The following TNNI3K variants were observed in gnomAD, a reference collection of about 807,000 sequenced individuals.
TNNI3K encodes the protein TNNI3 interacting kinase.
Under a neutral mutation model 114.5 loss-of-function variants are expected in TNNI3K, and 140 were observed. The ratio of observed to expected loss-of-function variants is 1.22; its 90% confidence interval spans 1.07 to 1.41. TNNI3K has a LOEUF of 1.41. Among genes scored for constraint, TNNI3K ranks in the 40% most tolerant of loss-of-function variants. The pLI is 0.00. For synonymous variants in TNNI3K, 347 were observed against 347.5 expected, an observed-to-expected ratio of 1.00 and a Z score of 0.02; for missense variants, 1,125 against 1,007.6, an observed-to-expected ratio of 1.12 and a Z score of -1.58.
chr1:74,480,717 G>A lies in TNNI3K; in HGVS notation c.2122-8472G>A, dbSNP rs576910366. 46 of 717,456 alleles carry A rather than the reference G, an allele frequency of 6.4e-5. No homozygotes were observed. The South Asian group carries it at 6.7e-4, about 10-fold the overall frequency. The allele number at this position is 717,456 out of a possible 1,614,324, so 44.4% of individuals were successfully genotyped here. A position where few individuals can be genotyped will look rare whatever the true frequency, so the allele number is the denominator to read the frequency against. On this transcript the variant is annotated intron_variant, in intron 21 of 24. Coordinates refer to ENST00000326637, the MANE Select transcript of TNNI3K (RefSeq NM_015978.3). ...AGGGTGCGGAGAGCATTATTGCTCA[G>A]CACCAGTACCTGCAGGCTGTGAAGC... is the stretch of plus-strand genomic sequence containing the variant.
intron 5 of TNNI3K, among the ~76,000 whole-genome samples, 159 bp from the exon 6 acceptor site, chr1:74,331,291 A>T (rs1660188481): frequency 6.6e-6 from 1 of 152,232 alleles, no homozygotes; most frequent in Non-Finnish European, 1.5e-5. Context: ...CTTTCATAAA[A>T]AAACAGGACA....
intron 21 of TNNI3K, among the ~76,000 whole-genome samples, chr1:74,465,708 C>T (rs1667649370): frequency 6.6e-6 from 1 of 152,228 alleles, no homozygotes; most frequent in African/African-American, 2.4e-5. Context: ...CTAGGCAAAG[C>T]CAGCTGGGCT....
chr1:74,485,473 C>G (rs1668708998), intron 21 of TNNI3K, among the ~76,000 whole-genome samples: 1 of 152,170 alleles, frequency 6.6e-6, no homozygotes, highest in African/African-American at 2.4e-5. Flanking sequence ...CTCTCATTCT[C>G]TACTGCGTAT....
chr1:74,246,579 GA>G (rs557985364), intron 2 of TNNI3K, among the ~76,000 whole-genome samples: 110 of 150,424 alleles, frequency 7.3e-4, no homozygotes, highest in Middle Eastern at 3.4e-3. Context: ...AAAACCACAA[GA>G]AAAAAAAACA....
In TNNI3K at chr1:74,480,051, T is replaced by C. The variant is rs1046853813; in HGVS notation, c.2122-9138T>C. The C allele has an allele frequency of 8.1e-6, 5 of 617,976 alleles. No individual in the cohort carries two copies. In the African/African-American group the frequency reaches 9.2e-5, roughly 11 times the overall value. The allele number at this position is 617,976 out of a possible 1,614,324, so 38.3% of individuals were successfully genotyped here. ...ATCTACTGGCAACCTCTCCTTTCCATAGCCCTGGCAACCAAGTGTCTGAGA... is the reference window on the plus strand; with the variant it reads ...ATCTACTGGCAACCTCTCCTTTCCACAGCCCTGGCAACCAAGTGTCTGAGA... On this transcript the variant is annotated intron_variant, in intron 21 of 24. Coordinates refer to ENST00000326637, the MANE Select transcript of TNNI3K (RefSeq NM_015978.3).
At chr1:74,421,205 A>G (rs1040561184) in intron 17 of TNNI3K, among the ~76,000 whole-genome samples, 1 of 152,168 alleles carries the variant, frequency 6.6e-6, no homozygotes, top group Non-Finnish European at 1.5e-5. Flanking sequence ...AGCATGAATA[A>G]CGTTTACTGA....
In TNNI3K at chr1:74,488,644, G is replaced by C. The variant is rs569547573; in HGVS notation, c.2122-545G>C. ...TTTTTAACCAAACTCGTCTGACACA[G>C]AGGTTCATAATGGGCAATATTTTTA... On this transcript the variant is annotated intron_variant, in intron 21 of 24. Transcript: ENST00000326637. Among the ~76,000 whole-genome samples, 27 of 152,240 alleles carry C rather than the reference G, an allele frequency of 1.8e-4. No individual in the cohort carries two copies. The South Asian group carries it at 5.4e-3, about 30-fold the overall frequency.
chr1:74,536,880 A>G (rs1646666512), intron 23 of TNNI3K, among the ~76,000 whole-genome samples: 1 of 152,166 alleles, frequency 6.6e-6, no homozygotes, highest in South Asian at 2.1e-4. Flanking sequence ...CCACAATTTC[A>G]GCAAATAGAG....
At chr1:74,518,678 T>A (rs1646383510) in intron 23 of TNNI3K, among the ~76,000 whole-genome samples, 3 of 152,086 alleles carry the variant, frequency 2.0e-5, no homozygotes, top group African/African-American at 7.2e-5. Flanking sequence ...TTCAAAACAA[T>A]ATCTGTTTTT....
chr1:74,500,178 T>G (rs1450825807), intron 23 of TNNI3K, among the ~76,000 whole-genome samples: 1 of 152,142 alleles, frequency 6.6e-6, no homozygotes, highest in East Asian at 1.9e-4. Flanking sequence ...TAATTTCCAG[T>G]ATTTTATCTT....
At chr1:74,306,921 A>G (rs538548967) in intron 5 of TNNI3K, among the ~76,000 whole-genome samples, 6 of 152,288 alleles carry the variant, frequency 3.9e-5, no homozygotes, top group African/African-American at 1.4e-4. Context: ...GGTCTTAATC[A>G]TAAATTATTT....
chr1:74,246,727 A>C (rs1654583561), intron 2 of TNNI3K, among the ~76,000 whole-genome samples: 3 of 152,236 alleles, frequency 2.0e-5, no homozygotes, highest in Admixed American at 2.0e-4. Flanking sequence ...ATACTGAAAG[A>C]AGAAAAAGCT....
chr1:74,451,147 C>T (rs1472330901), intron 20 of TNNI3K, among the ~76,000 whole-genome samples: 1 of 152,060 alleles, frequency 6.6e-6, no homozygotes, highest in Non-Finnish European at 1.5e-5. Flanking sequence ...AACACAGGAA[C>T]AGAAAACCAA....
intron 18 of TNNI3K, 141 bp downstream of exon 18, chr1:74,436,273 C>T (rs571125286): frequency 4.0e-6 from 5 of 1,259,288 alleles, no homozygotes; most frequent in Non-Finnish European, 5.5e-6. Context: ...TACCATAAAT[C>T]ATTCAAATTT....
At chr1:74,321,265 A>G (rs1659597067) in intron 5 of TNNI3K, among the ~76,000 whole-genome samples, 1 of 152,158 alleles carries the variant, frequency 6.6e-6, no homozygotes, top group South Asian at 2.1e-4. Flanking sequence ...TTAACTGAAC[A>G]ACACAGAAAA....
intron 2 of TNNI3K, among the ~76,000 whole-genome samples, chr1:74,248,304 C>A (rs553400496): frequency 1.3e-5 from 2 of 152,156 alleles, no homozygotes; most frequent in East Asian, 3.9e-4. Flanking sequence ...CACACCTCCC[C>A]ACAAGCAGAG....
intron 17 of TNNI3K, among the ~76,000 whole-genome samples, chr1:74,424,733 AAAG>A (rs1665552040): frequency 6.6e-6 from 1 of 151,520 alleles, no homozygotes; most frequent in African/African-American, 2.4e-5. Flanking sequence ...AAAAAAAAAA[AAAG>A]AGAGAGACAT....
Position 74,342,189 on chromosome 1 carries a change from G to A in TNNI3K, c.683-653G>A, listed in dbSNP as rs184132595. ...CGGAATTACCCAGACGTGAGAAGAG[G>A]TTATAAGGCTGGGTGTTTCAACGAG... On this transcript the variant is annotated intron_variant, in intron 7 of 24. Coordinates refer to ENST00000326637, the MANE Select transcript of TNNI3K (RefSeq NM_015978.3). Among the ~76,000 whole-genome samples the A allele has an allele frequency of 6.4e-4, 98 of 152,238 alleles. 3 individuals carry two copies. The East Asian group carries it at 0.017, about 27-fold the overall frequency.
chr1:74,410,168 C>T (rs1230368429), intron 17 of TNNI3K, among the ~76,000 whole-genome samples: 1 of 151,860 alleles, frequency 6.6e-6, no homozygotes, highest in African/African-American at 2.4e-5. Context: ...ACAAGAGGAC[C>T]CAGGCTGTTA....
Sources: allele counts gnomAD v4.1 joint callset (sites outside exome capture counted in the v4.1 genomes callset), GRCh38; gene constraint gnomAD v4.1.1; transcripts MANE v1.5; gene names NCBI Gene and HGNC (gene_info 2026-07-23, HGNC 2026-07-21).